The following ALAD variants were observed in gnomAD, a reference collection of about 807,000 sequenced individuals.
ALAD encodes delta-aminolevulinic acid dehydratase.
Under a neutral mutation model 44.4 loss-of-function variants are expected in ALAD, and 20 were observed. The ratio of observed to expected loss-of-function variants is 0.45; its 90% CI spans 0.32 to 0.65. The LOEUF is 0.65. Among genes scored for constraint, ALAD ranks in the 30% least tolerant of loss-of-function variants. The probability of loss-of-function intolerance (pLI) is 0.05; values close to 1 mark genes in which losing one functional copy is unlikely to be tolerated. For missense variants in ALAD, 323 were observed against 445.7 expected (o/e 0.72, Z 2.48); for synonymous variants, 156 against 167.9 (o/e 0.93, Z 0.55).
At position 113,388,367 on chromosome 9, in the gene ALAD, T is replaced by C. The variant is rs1350682666; in HGVS notation, c.932-6A>G. On this transcript the variant is annotated splice_region_variant and splice_polypyrimidine_tract_variant and intron_variant, in intron 11 of 11. Transcript: ENST00000409155. ...GGTGATGATGATGTCAGCACCTGTG[T>C]TGGGAGAGATGCAGAAAGTTGCTGG... is the stretch of plus-strand genomic sequence containing the variant. 6.2e-7 allele frequency: 1 copy of C among 1,613,832 alleles called. No homozygotes were observed. The highest frequency in any genetic ancestry group is 1.7e-5 in the Admixed American group (1 of 60,020).
intron 1 of ALAD, chr9:113,397,347 T>G (rs1827757346): frequency 6.6e-6 from 1 of 152,176 alleles, no homozygotes; most frequent in African/African-American, 2.4e-5. Context: ...CATAGTCTCT[T>G]AGGCCCCTTT....
Position 113,391,375 on chromosome 9 carries a change from T to C in ALAD, c.261+152A>G, listed in dbSNP as rs1472705696. ...ACATACCCCCACACCCAGCTAACTT[T>C]TGTATTTTTTGTAGAGATGGGTTTT... is the stretch of plus-strand genomic sequence containing the variant. On this transcript the variant is annotated intron_variant, in intron 4 of 11. Transcript: ENST00000409155. 9.6e-6 allele frequency: 7 copies of C among 731,560 alleles called. No individual in the cohort carries two copies. In the East Asian group the frequency reaches 1.4e-4, roughly 14 times the overall value. The allele number at this position is 731,560 out of a possible 1,614,324, so 45.3% of individuals were successfully genotyped here.
chr9:113,396,270 C>CA (rs1479359566), intron 1 of ALAD: 1 of 151,280 alleles, frequency 6.6e-6, no homozygotes, highest in African/African-American at 2.4e-5. Flanking sequence ...CACCTGTAGT[C>CA]AGAGTTCCTC....
intron 2 of ALAD, chr9:113,393,054 G>A (rs993658303): frequency 6.3e-5 from 14 of 222,052 alleles, no homozygotes; most frequent in South Asian, 3.1e-4. Flanking sequence ...TCCTGACCTC[G>A]TGATCCGCCT....
At position 113,388,056 on chromosome 9, in the gene ALAD, G is replaced by A; in HGVS notation, c.*244C>T. ...GAGGAAAGAGCTGAGGGTGGCAAAGGTGGGCCTCACGGCTGACCCAGGGGA... is the reference window on the plus strand; with the variant it reads ...GAGGAAAGAGCTGAGGGTGGCAAAGATGGGCCTCACGGCTGACCCAGGGGA... On this transcript the variant is annotated 3_prime_UTR_variant, in exon 12 of 12. Transcript: ENST00000409155. 1.8e-6 allele frequency: 1 copy of A among 556,132 alleles called. No homozygotes were observed. Among genetic ancestry groups the A allele is most frequent in the South Asian group, 1.9e-5 (1 of 52,244 alleles). The allele number at this position is 556,132 out of a possible 1,614,324, so 34.4% of individuals were successfully genotyped here.
At position 113,392,171 on chromosome 9, in the gene ALAD, T is replaced by A. The variant is rs1443259737; in HGVS notation, c.114-2A>T. 2 of 1,613,884 alleles carry A rather than the reference T, an allele frequency of 1.2e-6. No homozygotes were observed. ...GGCTGTATGTCATCAGGAACATCCC[T>A]GCAAGAGCGGGGGTGGGATATGGAT... On this transcript the variant is annotated splice_acceptor_variant, in intron 2 of 11. Transcript: ENST00000409155. LOFTEE classifies it high-confidence loss of function.
In ALAD at chr9:113,392,169, C is replaced by T. The variant is rs1827605811; in HGVS notation, c.114G>A (p.Thr38=). 6.2e-7 allele frequency: 1 copy of T among 1,613,920 alleles called. No individual in the cohort carries two copies. The highest frequency in any genetic ancestry group is 8.5e-7 in the Non-Finnish European group (1 of 1,179,942). The change falls in exon 3 of 12, where the codon ACG becomes ACA. Residue 38 remains threonine (T), a splice_region_variant and synonymous_variant. Transcript: ENST00000409155. ...TAGGCTGTATGTCATCAGGAACATC[C>T]CTGCAAGAGCGGGGGTGGGATATGG... is the stretch of plus-strand genomic sequence containing the variant. ...ASNLIYPIFV[T]DVPDDIQPIT...
intron 1 of ALAD, among the ~76,000 whole-genome samples, chr9:113,393,936 A>C (rs774121142): frequency 6.6e-5 from 10 of 152,012 alleles, no homozygotes; most frequent in Non-Finnish European, 1.2e-4. Flanking sequence ...CTGTTTAAAA[A>C]AAATTCTCTT....
chr9:113,391,445 C>T (rs1010066311), intron 4 of ALAD, 82 bp downstream of exon 4: 8 of 1,205,882 alleles, frequency 6.6e-6, no homozygotes, highest in Non-Finnish European at 9.9e-6. Context: ...CTCAAGTGAT[C>T]CACCCACTTT....
intron 1 of ALAD, chr9:113,396,347 C>T (rs917055146): frequency 1.3e-5 from 2 of 149,220 alleles, no homozygotes; most frequent in African/African-American, 5.0e-5. Context: ...GAGAGTGCAC[C>T]CATTGCACTC....
chr9:113,394,634 C>G (rs1165290631), intron 1 of ALAD, among the ~76,000 whole-genome samples: 2 of 152,128 alleles, frequency 1.3e-5, no homozygotes, highest in Non-Finnish European at 2.9e-5. Context: ...CATAAAGAAG[C>G]ACTGATCTAG....
In ALAD at chr9:113,387,338, C is replaced by T. The variant is rs117612544; in HGVS notation, c.*962G>A. The T allele has an allele frequency of 6.6e-6, 1 of 152,360 alleles. No homozygotes were observed. The highest frequency in any genetic ancestry group is 1.5e-5 in the Non-Finnish European group (1 of 68,058). 9.4% of individuals were successfully genotyped at this position (152,360 alleles called of 1,614,324 possible). On this transcript the variant is annotated 3_prime_UTR_variant, in exon 12 of 12. Coordinates refer to ENST00000409155, the MANE Select transcript of ALAD (RefSeq NM_000031.6). ...TTCTGATCCTTCAAAGAGGTCAGGT[C>T]CTGGTGACCTCCTTCAGAGCACCTG...
intron 1 of ALAD, chr9:113,396,351 T>C (rs971455679): frequency 2.1e-5 from 3 of 145,304 alleles, no homozygotes; most frequent in African/African-American, 7.7e-5. Context: ...GTGCACCCAT[T>C]GCACTCTAGC....
intron 1 of ALAD, chr9:113,397,230 C>T (rs1827754401): frequency 6.6e-6 from 1 of 152,256 alleles, no homozygotes. Flanking sequence ...AGCTGCATTC[C>T]CGTGGCCTCA....
intron 11 of ALAD, 96 bp downstream of exon 11, chr9:113,388,881 A>C: frequency 6.3e-7 from 1 of 1,579,550 alleles, no homozygotes; most frequent in Non-Finnish European, 8.7e-7. Flanking sequence ...TCCCGGAATA[A>C]GATCCCAAGC....
intron 1 of ALAD, chr9:113,397,408 G>A (rs1455544651): frequency 1.3e-5 from 2 of 152,114 alleles, no homozygotes; most frequent in Non-Finnish European, 2.9e-5. Context: ...TTCCTCCTTG[G>A]TAGGGTGGGG....
At chr9:113,399,086 G>A (rs949740595) in intron 1 of ALAD, among the ~76,000 whole-genome samples, 10 of 152,216 alleles carry the variant, frequency 6.6e-5, no homozygotes, top group Non-Finnish European at 8.8e-5. Flanking sequence ...TTGCTGGGAC[G>A]CAGAGTATAG....
intron 2 of ALAD, 85 bp downstream of exon 2, chr9:113,393,362 C>T (rs1368494164): frequency 3.0e-6 from 4 of 1,312,602 alleles, no homozygotes; most frequent in Non-Finnish European, 3.3e-6. Flanking sequence ...CCCAGCCATA[C>T]TGATGCCCGC....
rs1260056339 is a variant in ALAD, at chr9:113,387,548, A to G, written c.*752T>C. The G allele has an allele frequency of 1.3e-5, 2 of 152,274 alleles. No homozygotes were observed. Among genetic ancestry groups the G allele is most frequent in the Non-Finnish European group, 2.9e-5 (2 of 68,114 alleles). The allele number at this position is 152,274 out of a possible 1,614,324, so 9.4% of individuals were successfully genotyped here. ...CTCTTTGTATAATTTCTATGAAGAG[A>G]TAAGCTGAGGTCTGTCCTGCTGTAT... is the stretch of plus-strand genomic sequence containing the variant. On this transcript the variant is annotated 3_prime_UTR_variant, in exon 12 of 12. Transcript: ENST00000409155.
Sources: gnomAD v4.1 joint callset for allele counts (sites outside exome capture counted in the v4.1 genomes callset) on GRCh38, gnomAD v4.1.1 for gene constraint, MANE v1.5 for transcripts, NCBI Gene and HGNC (gene_info 2026-07-23, HGNC 2026-07-21) for gene names.